Variants in KCNG2 observed in about 807,000 individuals in gnomAD.
The protein encoded by KCNG2 is voltage-gated potassium channel regulatory subunit KCNG2.
In KCNG2, 7 loss-of-function variants were observed where a neutral mutation model predicts 12.3. The observed-to-expected ratio is 0.57, with a 90% CI of 0.32 to 1.07. The LOEUF is 1.07. KCNG2 is among the 50% of genes least tolerant of loss of function. The pLI is 0.04. For missense variants in KCNG2, 703 were observed against 726.0 expected, an observed-to-expected ratio of 0.97 and a Z score of 0.36; for synonymous variants, 414 against 351.4, an observed-to-expected ratio of 1.18 and a Z score of -1.99.
At chr18:79,856,749 G>A (rs933168004) in intron 2 of KCNG2, among the ~76,000 whole-genome samples, 2 of 152,062 alleles carry the variant, frequency 1.3e-5, no homozygotes, top group Non-Finnish European at 2.9e-5. Context: ...AGGCTTCTTC[G>A]ACAAACTGGG....
At chr18:79,852,511 C>T (rs1275039849) in intron 1 of KCNG2, among the ~76,000 whole-genome samples, 3 of 152,286 alleles carry the variant, frequency 2.0e-5, no homozygotes, top group African/African-American at 7.2e-5. Context: ...TCAGCCCCTG[C>T]ACTCGCAGAG....
chr18:79,859,973 C>A (rs546879623), intron 2 of KCNG2, among the ~76,000 whole-genome samples: 1 of 152,084 alleles, frequency 6.6e-6, no homozygotes. Context: ...AGGTTTAATT[C>A]GCTCATGGTT....
At chr18:79,828,183 C>T (rs1978287622) in intron 1 of KCNG2, among the ~76,000 whole-genome samples, 1 of 152,206 alleles carries the variant, frequency 6.6e-6, no homozygotes, top group African/African-American at 2.4e-5. Flanking sequence ...CCTCGGCCTC[C>T]CAAAGTACTG....
chr18:79,848,997 G>A (rs938082792), intron 1 of KCNG2, among the ~76,000 whole-genome samples: 1 of 152,160 alleles, frequency 6.6e-6, no homozygotes, highest in African/African-American at 2.4e-5. Context: ...TAAAAGAGCC[G>A]TGGATAATGA....
In KCNG2 at chr18:79,803,933, C is replaced by G. The variant is rs2087430076; in HGVS notation, c.-115+5919C>G. ...TCTTAGGCCTGGCCTGGCCGTGTCA[C>G]TCCTATCTCACCTTCAGGGAGCTCT... On this transcript the variant is annotated intron_variant, in intron 1 of 3. Transcript: ENST00000316249. This position sits in a 1 kb window ranked among gnomAD's most constrained non-coding sequence, Gnocchi z 4.5. Among the ~76,000 whole-genome samples, 1 of 152,250 alleles carries G rather than the reference C, an allele frequency of 6.6e-6. No individual in the cohort carries two copies. Among genetic ancestry groups the G allele is most frequent in the African/African-American group, 2.4e-5 (1 of 41,466 alleles).
intron 1 of KCNG2, among the ~76,000 whole-genome samples, chr18:79,849,902 C>G (rs1978758456): frequency 6.8e-6 from 1 of 147,442 alleles, no homozygotes; most frequent in Admixed American, 7.4e-5. Context: ...GGAGGCGAGA[C>G]CCCACCTGGC....
chr18:79,817,650 A>G (rs1472608834), intron 1 of KCNG2, among the ~76,000 whole-genome samples: 1 of 152,146 alleles, frequency 6.6e-6, no homozygotes, highest in African/African-American at 2.4e-5. Flanking sequence ...ACACAGCTGT[A>G]CTCTTGTCCC....
chr18:79,873,298 T>C (rs1979925638), intron 3 of KCNG2, among the ~76,000 whole-genome samples: 1 of 152,122 alleles, frequency 6.6e-6, no homozygotes, highest in Non-Finnish European at 1.5e-5. Flanking sequence ...CCCAGGCTGT[T>C]GTTTTTCTCA....
At position 79,847,962 on chromosome 18, in the gene KCNG2, T is replaced by C. The variant is rs150609287; in HGVS notation, c.-114-8417T>C. The stretch of plus-strand genomic sequence containing the variant: ...TGTATTTAGCCAGATTTAAACAAAA[T>C]AGTCACTGTTTTCCTTGGGACTGAA... On this transcript the variant is annotated intron_variant, in intron 1 of 3. Transcript: ENST00000316249. 1.2e-4 allele frequency among the ~76,000 whole-genome samples: 18 copies of C among 152,302 alleles called. No individual in the cohort carries two copies. In the East Asian group the frequency reaches 3.5e-3, roughly 29 times the overall value.
rs1281808215 is a variant in KCNG2, at chr18:79,884,828, CA to C, written c.625-14209del. ...ACCCACAGGTTCCTGTGCGTGGGAG[CA>C]AACTTGCTTTTCCCATTCACAGAAA... On this transcript the variant is annotated intron_variant, in intron 3 of 3. Transcript: ENST00000316249. This position sits in a 1 kb window ranked among gnomAD's most constrained non-coding sequence, Gnocchi z 5.5. Among the ~76,000 whole-genome samples, 1 of 152,134 alleles carries C rather than the reference CA, an allele frequency of 6.6e-6. No homozygotes were observed. Among genetic ancestry groups the C allele is most frequent in the Non-Finnish European group, 1.5e-5 (1 of 68,002 alleles).
At chr18:79,832,066 G>T (rs1250149861) in intron 1 of KCNG2, among the ~76,000 whole-genome samples, 3 of 152,134 alleles carry the variant, frequency 2.0e-5, no homozygotes, top group Non-Finnish European at 4.4e-5. Flanking sequence ...GGTGTCTGTG[G>T]CTTCCCCACA....
At position 79,822,496 on chromosome 18, in the gene KCNG2, G is replaced by C. The variant is rs1389587343; in HGVS notation, c.-115+24482G>C. ...ACTCTGTCCCCCAGGCTGGAGTGTA[G>C]TGTTGCAGTCATGGCTCCCTGCAGC... On this transcript the variant is annotated intron_variant, in intron 1 of 3. Transcript: ENST00000316249. This position sits in a 1 kb window ranked among gnomAD's most constrained non-coding sequence, Gnocchi z 4.4. Among the ~76,000 whole-genome samples the C allele has an allele frequency of 6.6e-6, 1 of 152,204 alleles. No homozygotes were observed. Among genetic ancestry groups the C allele is most frequent in the Non-Finnish European group, 1.5e-5 (1 of 68,040 alleles).
intron 3 of KCNG2, among the ~76,000 whole-genome samples, chr18:79,881,369 C>A (rs535265991): frequency 1.3e-5 from 2 of 151,130 alleles, no homozygotes; most frequent in Non-Finnish European, 1.5e-5. Flanking sequence ...AGAAACACGC[C>A]GTATGATTGG....
At chr18:79,864,343 G>A in intron 3 of KCNG2, 52 bp downstream of exon 3, 1 of 1,003,364 alleles carries the variant, frequency 1.0e-6, no homozygotes, top group East Asian at 5.8e-5. Context: ...GGCTGGGCTG[G>A]GATCTGGGCT....
intron 1 of KCNG2, among the ~76,000 whole-genome samples, chr18:79,852,804 T>G (rs1311298621): frequency 6.6e-6 from 1 of 152,254 alleles, no homozygotes; most frequent in African/African-American, 2.4e-5. Context: ...GGTTCAGGGT[T>G]CTTTCTGGTA....
intron 3 of KCNG2, among the ~76,000 whole-genome samples, chr18:79,867,182 G>C (rs1243569680): frequency 6.8e-6 from 1 of 146,294 alleles, no homozygotes; most frequent in African/African-American, 2.5e-5. Context: ...GAGAGGTCTG[G>C]GTGCTGAGAG....
chr18:79,830,287 T>G (rs952135083), intron 1 of KCNG2, among the ~76,000 whole-genome samples: 1 of 152,116 alleles, frequency 6.6e-6, no homozygotes, highest in African/African-American at 2.4e-5. Flanking sequence ...GTTTGAGAAG[T>G]GCTGGCAGGG....
At chr18:79,805,883 G>A (rs2087445872) in intron 1 of KCNG2, among the ~76,000 whole-genome samples, 1 of 151,776 alleles carries the variant, frequency 6.6e-6, no homozygotes, top group Non-Finnish European at 1.5e-5. Context: ...ACACACACGT[G>A]CACACACACG....
Position 79,899,240 on chromosome 18 carries a change from C to T in KCNG2, c.825C>T (p.Gly275=), listed in dbSNP as rs1053270670. ...SLLLGLAAGP[G]GTKLLERAGL... ...TGCTGGGGCTGGCGGCAGGCCCGGG[C>T]GGGACCAAGCTCCTGGAGCGCGCGG... Residue 275 remains glycine, a synonymous_variant, in exon 4 of 4, where the codon GGC becomes GGT. Transcript: ENST00000316249. 6 of 1,596,768 alleles carry T rather than the reference C, an allele frequency of 3.8e-6. No individual in the cohort carries two copies. In the African/African-American group the frequency reaches 4.0e-5, roughly 11 times the overall value.
Sources: gnomAD v4.1 joint callset for allele counts (sites outside exome capture counted in the v4.1 genomes callset) on GRCh38, gnomAD v4.1.1 for gene constraint, Gnocchi (gnomAD v3.1) non-coding constraint, MANE v1.5 for transcripts, NCBI Gene and HGNC (gene_info 2026-07-23, HGNC 2026-07-21) for gene names.